Variants in LEKR1 observed in about 807,000 individuals in gnomAD.
The protein encoded by LEKR1 is protein LEKR1.
LEKR1 carries 59 observed loss-of-function variants against 72.4 expected under a neutral mutation model. The observed-to-expected ratio is 0.82, with a 90% CI of 0.66 to 1.01. The LOEUF is 1.01. Among genes scored for constraint, LEKR1 ranks in the 50% least tolerant of loss-of-function variants. The pLI is 0.00. For synonymous variants in LEKR1, 257 were observed against 263.2 expected, an observed-to-expected ratio of 0.98 and a Z score of 0.23; for missense variants, 728 against 759.2, an observed-to-expected ratio of 0.96 and a Z score of 0.48.
At chr3:156,963,363 A>G (rs758646519) in intron 6 of LEKR1, among the ~76,000 whole-genome samples, 1 of 152,200 alleles carries the variant, frequency 6.6e-6, no homozygotes, top group Non-Finnish European at 1.5e-5. Context: ...ACACACACAG[A>G]CACTTTTACA....
chr3:157,022,007 A>G (rs1733876191), intron 10 of LEKR1, among the ~76,000 whole-genome samples: 1 of 152,180 alleles, frequency 6.6e-6, no homozygotes, highest in African/African-American at 2.4e-5. Flanking sequence ...CAGAGTGGCC[A>G]AAGCACAGTG....
chr3:156,860,523 C>T (rs974355369), intron 3 of LEKR1, among the ~76,000 whole-genome samples: 1 of 152,090 alleles, frequency 6.6e-6, no homozygotes, highest in African/African-American at 2.4e-5. Context: ...TACCAAAGGT[C>T]CAGAGATCCA....
intron 6 of LEKR1, among the ~76,000 whole-genome samples, chr3:156,964,716 C>T (rs1004249429): frequency 2.0e-5 from 3 of 152,130 alleles, no homozygotes; most frequent in Non-Finnish European, 4.4e-5. Context: ...ACTCCATCTC[C>T]TTCAGTTTTG....
chr3:156,870,441 T>G (rs574818042), intron 3 of LEKR1, among the ~76,000 whole-genome samples: 2 of 152,222 alleles, frequency 1.3e-5, no homozygotes, highest in East Asian at 3.9e-4. Context: ...TTAGGTATTT[T>G]TTGGAGCTAT....
At chr3:156,932,158 T>A (rs1725284985) in intron 5 of LEKR1, among the ~76,000 whole-genome samples, 1 of 152,172 alleles carries the variant, frequency 6.6e-6, no homozygotes, top group Admixed American at 6.5e-5. Context: ...TAGTAAAATA[T>A]TAATTGTAGA....
At chr3:156,850,107 C>G (rs1018531898) in intron 2 of LEKR1, among the ~76,000 whole-genome samples, 14 of 152,156 alleles carry the variant, frequency 9.2e-5, no homozygotes, top group Non-Finnish European at 2.1e-4. Flanking sequence ...AGGATATGAA[C>G]AGATGCTTCT....
chr3:157,004,528 C>T (rs1576982080), intron 9 of LEKR1, among the ~76,000 whole-genome samples: 1 of 151,952 alleles, frequency 6.6e-6, no homozygotes, highest in Non-Finnish European at 1.5e-5. Flanking sequence ...ATTTTCCCGC[C>T]GTGGTTATAC....
intron 12 of LEKR1, among the ~76,000 whole-genome samples, chr3:157,037,223 G>A (rs1026062779): frequency 6.6e-6 from 1 of 152,116 alleles, no homozygotes; most frequent in African/African-American, 2.4e-5. Context: ...AGAAGAAATA[G>A]TTTAAAGATC....
At chr3:156,925,011 A>G (rs1401392510) in intron 4 of LEKR1, 1 of 152,274 alleles carries the variant, frequency 6.6e-6, no homozygotes, top group Non-Finnish European at 1.5e-5. Context: ...TATTGAATCT[A>G]TAGATCAATT....
chr3:156,923,760 C>T (rs1054687707), intron 4 of LEKR1, among the ~76,000 whole-genome samples: 2 of 151,064 alleles, frequency 1.3e-5, no homozygotes, highest in African/African-American at 4.9e-5. Context: ...CGGAGGCTCG[C>T]TCTATCACCC....
At chr3:156,972,382 T>C (rs1270557960) in intron 6 of LEKR1, among the ~76,000 whole-genome samples, 1 of 152,006 alleles carries the variant, frequency 6.6e-6, no homozygotes, top group Non-Finnish European at 1.5e-5. Context: ...TTAGGAGATA[T>C]ACCTAATGTT....
intron 2 of LEKR1, among the ~76,000 whole-genome samples, chr3:156,846,845 C>T (rs1393188892): frequency 6.6e-6 from 1 of 152,044 alleles, no homozygotes; most frequent in Non-Finnish European, 1.5e-5. Context: ...CAAGGTCTTG[C>T]TCTGTTGCCC....
At chr3:157,035,051 G>A (rs536198061) in intron 12 of LEKR1, among the ~76,000 whole-genome samples, 31 of 152,144 alleles carry the variant, frequency 2.0e-4, no homozygotes, top group Admixed American at 5.2e-4. Flanking sequence ...CTTGCTGAAG[G>A]CTCAGATGAT....
At chr3:156,962,442 A>C (rs1728209137) in intron 6 of LEKR1, among the ~76,000 whole-genome samples, 1 of 152,242 alleles carries the variant, frequency 6.6e-6, no homozygotes, top group East Asian at 1.9e-4. Context: ...AGATGGACAA[A>C]AAGTTTAGCC....
chr3:156,843,480 A>T (rs1464800154), intron 2 of LEKR1, among the ~76,000 whole-genome samples: 1 of 152,146 alleles, frequency 6.6e-6, no homozygotes, highest in Non-Finnish European at 1.5e-5. Context: ...AAAAGTAAAA[A>T]AAAAGAGACC....
At chr3:157,038,122 T>G (rs554321555) in intron 12 of LEKR1, among the ~76,000 whole-genome samples, 1 of 152,172 alleles carries the variant, frequency 6.6e-6, no homozygotes, top group South Asian at 2.1e-4. Flanking sequence ...CTGACTTCTG[T>G]GTAGAAAATA....
At chr3:156,909,971 T>A (rs901182502) in intron 3 of LEKR1, among the ~76,000 whole-genome samples, 21 of 152,206 alleles carry the variant, frequency 1.4e-4, no homozygotes, top group African/African-American at 4.6e-4. Context: ...ATTTTCTACC[T>A]TCCTTTGTCA....
intron 3 of LEKR1, among the ~76,000 whole-genome samples, chr3:156,876,964 T>C (rs1281323192): frequency 6.6e-6 from 1 of 152,138 alleles, no homozygotes; most frequent in African/African-American, 2.4e-5. Flanking sequence ...CAGCTTGTCA[T>C]AGATAGCTTT....
At chr3:156,976,323 G>A (rs1729684879) in intron 6 of LEKR1, among the ~76,000 whole-genome samples, 1 of 151,964 alleles carries the variant, frequency 6.6e-6, no homozygotes, top group Non-Finnish European at 1.5e-5. Flanking sequence ...TTAATTTATA[G>A]CTGCATTTAG....
Sources: gnomAD v4.1 joint callset for allele counts (sites outside exome capture counted in the v4.1 genomes callset) on GRCh38, gnomAD v4.1.1 for gene constraint, MANE v1.5 for transcripts, NCBI Gene and HGNC (gene_info 2026-07-23, HGNC 2026-07-21) for gene names.